Variants in FILIP1 observed in about 807,000 individuals in gnomAD.
The protein encoded by FILIP1 is filamin-A-interacting protein 1.
Under a neutral mutation model 102.1 loss-of-function variants are expected in FILIP1, and 61 were observed. The observed-to-expected ratio is 0.60, with a 90% CI of 0.49 to 0.74. The LOEUF (loss-of-function observed/expected upper bound fraction) is 0.74. FILIP1 is among the 30% of genes least tolerant of loss of function. FILIP1 has a pLI of 0.00. For missense variants in FILIP1, 1,314 were observed against 1,441.2 expected (o/e 0.91, Z 1.43); for synonymous variants, 491 against 526.9 (o/e 0.93, Z 0.93).
intron 1 of FILIP1, among the ~76,000 whole-genome samples, chr6:75,424,030 C>T (rs563009491): frequency 3.3e-5 from 5 of 152,142 alleles, no homozygotes; most frequent in Non-Finnish European, 7.4e-5. Flanking sequence ...TTTCCTGACA[C>T]ACTGATAACA....
chr6:75,471,696 G>T (rs1228163155), intron 1 of FILIP1, among the ~76,000 whole-genome samples: 1 of 152,104 alleles, frequency 6.6e-6, no homozygotes, highest in Non-Finnish European at 1.5e-5. Flanking sequence ...ATCAGGAATG[G>T]CGAAAGAAAT....
chr6:75,359,154 C>G (rs561283034), intron 3 of FILIP1, among the ~76,000 whole-genome samples: 1 of 151,996 alleles, frequency 6.6e-6, no homozygotes, highest in Non-Finnish European at 1.5e-5. Context: ...TACAGGCACC[C>G]GCCACCACGC....
chr6:75,331,899 A>G (rs553759676), intron 4 of FILIP1, among the ~76,000 whole-genome samples: 1 of 152,086 alleles, frequency 6.6e-6, no homozygotes, highest in African/African-American at 2.4e-5. Flanking sequence ...TTGATTGGTG[A>G]TTAGGTCAGA....
intron 4 of FILIP1, among the ~76,000 whole-genome samples, chr6:75,345,683 T>A (rs919319265): frequency 7.1e-4 from 108 of 152,242 alleles, no homozygotes; most frequent in African/African-American, 2.3e-3. Context: ...GCCTCCTCAA[T>A]CCTGCCTATA....
At chr6:75,350,666 AC>A (rs1355140308) in intron 4 of FILIP1, among the ~76,000 whole-genome samples, 1 of 152,138 alleles carries the variant, frequency 6.6e-6, no homozygotes, top group African/African-American at 2.4e-5. Flanking sequence ...AATTAGGAAA[AC>A]AAAAAACAAA....
intron 3 of FILIP1, among the ~76,000 whole-genome samples, chr6:75,357,030 T>C (rs900253059): frequency 1.3e-5 from 2 of 152,198 alleles, no homozygotes; most frequent in African/African-American, 4.8e-5. Context: ...TATTTGAAGA[T>C]CAGTATTTTC....
At chr6:75,299,636 T>C (rs1037324456) in intron 6 of FILIP1, among the ~76,000 whole-genome samples, 9 of 152,224 alleles carry the variant, frequency 5.9e-5, no homozygotes, top group Non-Finnish European at 1.3e-4. Flanking sequence ...TATATGTTTC[T>C]CTCCAGTGTT....
At chr6:75,336,389 T>C (rs907289337) in intron 4 of FILIP1, among the ~76,000 whole-genome samples, 3 of 152,134 alleles carry the variant, frequency 2.0e-5, no homozygotes, top group African/African-American at 7.2e-5. Context: ...CAGAATCTGA[T>C]GCATAGTGGG....
rs372136038 is a variant in FILIP1, at chr6:75,452,581, C to T, written c.-6-37603G>A. On this transcript the variant is annotated intron_variant, in intron 1 of 5. Transcript: ENST00000237172. Reference sequence around the variant, plus strand: ...CCAAATTCCACAACATTGGAAACAACTTAGATGACCCATAATGAGGGAGTT... The same window carrying T: ...CCAAATTCCACAACATTGGAAACAATTTAGATGACCCATAATGAGGGAGTT... Among the ~76,000 whole-genome samples the T allele has an allele frequency of 3.5e-4, 54 of 152,258 alleles. No individual in the cohort carries two copies. The Middle Eastern group carries it at 0.014, about 38-fold the overall frequency.
chr6:75,308,357 G>A lies in FILIP1; in HGVS notation c.*334C>T, dbSNP rs1050605779. On this transcript the variant is annotated 3_prime_UTR_variant, in exon 6 of 6. Coordinates refer to ENST00000237172, the MANE Select transcript of FILIP1 (RefSeq NM_015687.5). ...CTTGCAATTAGGAAATATGGGAGCC[G>A]GACTTGAAGAGCGTGTGATTGAGTC... 6 of 1,022,328 alleles carry A rather than the reference G, an allele frequency of 5.9e-6. No homozygotes were observed. The highest frequency in any genetic ancestry group is 5.1e-5 in the African/African-American group (3 of 58,922). The allele number at this position is 1,022,328 out of a possible 1,614,324, so 63.3% of individuals were successfully genotyped here.
chr6:75,472,401 C>T (rs774618264), intron 1 of FILIP1, among the ~76,000 whole-genome samples: 9 of 152,056 alleles, frequency 5.9e-5, no homozygotes, highest in Non-Finnish European at 1.0e-4. Flanking sequence ...GAACAGTCTT[C>T]CTCAAGTCTT....
In FILIP1 at chr6:75,308,622, C is replaced by T. The variant is rs1773062622; in HGVS notation, c.*69G>A. On this transcript the variant is annotated 3_prime_UTR_variant, in exon 6 of 6. Coordinates refer to ENST00000237172, the MANE Select transcript of FILIP1 (RefSeq NM_015687.5). ...AATTAGTACATGTAAAGAACTGGCA[C>T]AAACAGATGAAGGTTCACTTTCACG... 3 of 1,596,376 alleles carry T rather than the reference C, an allele frequency of 1.9e-6. No individual in the cohort carries two copies. The highest frequency in any genetic ancestry group is 4.6e-4 in the Middle Eastern group (2 of 4,364).
At chr6:75,441,076 C>A (rs1200474270) in intron 1 of FILIP1, among the ~76,000 whole-genome samples, 1 of 150,518 alleles carries the variant, frequency 6.6e-6, no homozygotes, top group African/African-American at 2.5e-5. Flanking sequence ...GGAAGGTCAG[C>A]AGATAAACAA....
At chr6:75,487,902 C>T (rs558611688) in intron 1 of FILIP1, among the ~76,000 whole-genome samples, 1 of 151,958 alleles carries the variant, frequency 6.6e-6, no homozygotes, top group Non-Finnish European at 1.5e-5. Context: ...CAACAATCAT[C>T]GTTTCCTCAA....
chr6:75,326,263 T>C (rs1023806847), intron 4 of FILIP1, among the ~76,000 whole-genome samples: 2 of 152,138 alleles, frequency 1.3e-5, no homozygotes, highest in Non-Finnish European at 2.9e-5. Flanking sequence ...AAACCAAATA[T>C]CATATGTTCT....
rs145056406 is a variant in FILIP1 at position 75,466,502 on chromosome 6, A to G, written c.-7+26912T>C. Among the ~76,000 whole-genome samples the G allele has an allele frequency of 1.8e-3, 281 of 152,314 alleles. 1 individual carries two copies. Among genetic ancestry groups the G allele is most frequent in the African/African-American group, 6.4e-3 (268 of 41,580 alleles). ...TTCATCAACAACGTTATTGATTCCA[A>G]ACAACGTTATTGATCACCAATCAAC... On this transcript the variant is annotated intron_variant, in intron 1 of 5. Transcript: ENST00000237172.
At chr6:75,299,655 G>A (rs563618783) in intron 6 of FILIP1, among the ~76,000 whole-genome samples, 8 of 151,822 alleles carry the variant, frequency 5.3e-5, no homozygotes, top group East Asian at 1.9e-4. Context: ...TTACCTTGAC[G>A]TTTTTTTCCT....
intron 2 of FILIP1, among the ~76,000 whole-genome samples, chr6:75,379,603 A>G (rs918602066): frequency 1.3e-5 from 2 of 152,188 alleles, no homozygotes; most frequent in Non-Finnish European, 2.9e-5. Flanking sequence ...CAAGTGTTGG[A>G]GAGGCTGTTG....
intron 4 of FILIP1, among the ~76,000 whole-genome samples, chr6:75,331,671 G>A (rs1029706147): frequency 2.0e-5 from 3 of 152,098 alleles, no homozygotes; most frequent in Non-Finnish European, 4.4e-5. Flanking sequence ...ATATTTGTCA[G>A]AACTGGAAAG....
Sources: gnomAD v4.1 joint callset for allele counts (sites outside exome capture counted in the v4.1 genomes callset) on GRCh38, gnomAD v4.1.1 for gene constraint, MANE v1.5 for transcripts, NCBI Gene and HGNC (gene_info 2026-07-23, HGNC 2026-07-21) for gene names.